PRKAG2: variants seen among roughly 807,000 people sequenced by gnomAD.
PRKAG2 encodes protein kinase AMP-activated non-catalytic subunit gamma 2, also known as 5'-AMP-activated protein kinase subunit gamma-2.
In PRKAG2, 26 loss-of-function variants were observed where a neutral mutation model predicts 69.6. The observed-to-expected ratio is 0.37, with a 90% CI of 0.27 to 0.52. The LOEUF (loss-of-function observed/expected upper bound fraction) is 0.52, where lower values mean the gene tolerates loss of function less well. PRKAG2 is among the 20% of genes least tolerant of loss of function. The pLI is 0.90. For missense variants in PRKAG2, 557 were observed against 740.0 expected (o/e 0.75, Z 2.87); for synonymous variants, 293 against 285.0 (o/e 1.03, Z -0.28).
intron 3 of PRKAG2, among the ~76,000 whole-genome samples, chr7:151,755,607 C>G (rs560494342): frequency 3.3e-5 from 5 of 152,280 alleles, no homozygotes; most frequent in Admixed American, 2.0e-4. Flanking sequence ...ATCCTGCTGG[C>G]CACCTGCTTT....
intron 5 of PRKAG2, among the ~76,000 whole-genome samples, chr7:151,601,071 C>T (rs569972630): frequency 3.5e-4 from 54 of 152,276 alleles, no homozygotes; most frequent in Non-Finnish European, 6.3e-4. Flanking sequence ...CTCAACGGTG[C>T]GCTCATCTGA....
chr7:151,682,788 G>T lies in PRKAG2; in HGVS notation c.467-7151C>A, dbSNP rs376554487. On this transcript the variant is annotated intron_variant, in intron 3 of 15. Coordinates refer to ENST00000287878, the MANE Select transcript of PRKAG2 (RefSeq NM_016203.4). ...ATAAAGTCGAGAACCAGGAAAGCAGGGGGGAGCTCAGGGAAGAGGAGAGGG... is the reference window on the plus strand; with the variant it reads ...ATAAAGTCGAGAACCAGGAAAGCAGTGGGGAGCTCAGGGAAGAGGAGAGGG... Among the ~76,000 whole-genome samples, 458 of 151,972 alleles carry T rather than the reference G, an allele frequency of 3.0e-3. 4 individuals are homozygous for T. The highest frequency in any genetic ancestry group is 9.7e-3 in the African/African-American group (400 of 41,410).
intron 5 of PRKAG2, among the ~76,000 whole-genome samples, chr7:151,625,698 T>C (rs1410605247): frequency 6.6e-6 from 1 of 152,110 alleles, no homozygotes; most frequent in Non-Finnish European, 1.5e-5. Context: ...GTCAAGCAGC[T>C]TTCCTGTTAA....
At position 151,735,837 on chromosome 7, in the gene PRKAG2, C is replaced by A. The variant is rs1799690948; in HGVS notation, c.466+45315G>T. 5 of 1,531,490 alleles carry A rather than the reference C, an allele frequency of 3.3e-6. No individual in the cohort carries two copies. The Admixed American group carries it at 9.8e-5, about 30-fold the overall frequency. The allele number at this position is 1,531,490 out of a possible 1,614,324, so 94.9% of individuals were successfully genotyped here. On this transcript the variant is annotated intron_variant, in intron 3 of 15. Coordinates refer to ENST00000287878, the MANE Select transcript of PRKAG2 (RefSeq NM_016203.4). ...GCTACTGCTTAGGAGGGTGTGCACA[C>A]ACGCCGTGGGGTTCCCTCCCAAGGA...
chr7:151,697,062 G>A (rs1033200537), intron 3 of PRKAG2, among the ~76,000 whole-genome samples: 4 of 152,218 alleles, frequency 2.6e-5, no homozygotes, highest in African/African-American at 7.2e-5. Context: ...GGATGGAGGC[G>A]CCTGGCATGG....
chr7:151,678,789 T>A (rs970400055), intron 3 of PRKAG2, among the ~76,000 whole-genome samples: 1 of 151,892 alleles, frequency 6.6e-6, no homozygotes, highest in South Asian at 2.1e-4. Context: ...CAAAACCCCA[T>A]CTCTACTAAA....
Position 151,708,989 on chromosome 7 carries a change from C to T in PRKAG2, c.467-33352G>A, listed in dbSNP as rs552423675. Reference sequence around the variant, plus strand: ...GTGAGAATACCAGAAGCAGAGGGGCCGGAAACCATGACACTGTGTGACACT... The same window carrying T: ...GTGAGAATACCAGAAGCAGAGGGGCTGGAAACCATGACACTGTGTGACACT... On this transcript the variant is annotated intron_variant, in intron 3 of 15. Coordinates refer to ENST00000287878, the MANE Select transcript of PRKAG2 (RefSeq NM_016203.4). Among the ~76,000 whole-genome samples the T allele has an allele frequency of 1.0e-3, 152 of 152,202 alleles. 5 individuals are homozygous for T. The South Asian group carries it at 0.029, about 29-fold the overall frequency.
intron 9 of PRKAG2, among the ~76,000 whole-genome samples, chr7:151,571,205 G>A (rs1023062626): frequency 2.6e-5 from 4 of 151,794 alleles, no homozygotes; most frequent in Non-Finnish European, 4.4e-5. Context: ...CCGAGTAGCT[G>A]GGAGTACAGG....
In PRKAG2 at chr7:151,588,182, T is replaced by C. The variant is rs187441436; in HGVS notation, c.864+7163A>G. On this transcript the variant is annotated intron_variant, in intron 6 of 15. Coordinates refer to ENST00000287878, the MANE Select transcript of PRKAG2 (RefSeq NM_016203.4). ...TTTGGGCCTCTCATAATTCTCGAGG[T>C]GTCATCTTTTGGAATCACTAACTGA... Among the ~76,000 whole-genome samples the C allele has an allele frequency of 1.7e-3, 262 of 152,190 alleles. 4 individuals carry two copies. Among genetic ancestry groups the C allele is most frequent in the African/African-American group, 6.0e-3 (248 of 41,520 alleles).
At position 151,851,244 on chromosome 7, in the gene PRKAG2, G is replaced by A. The variant is rs73728420; in HGVS notation, c.114+25263C>T. ...GGAGAGGCCAAAACCACAACTTTCCGGAACTGGAGTGAGCTTTCCTGCCAT... is the reference window on the plus strand; with the variant it reads ...GGAGAGGCCAAAACCACAACTTTCCAGAACTGGAGTGAGCTTTCCTGCCAT... On this transcript the variant is annotated intron_variant, in intron 1 of 15. Transcript: ENST00000287878. 4.6e-3 allele frequency among the ~76,000 whole-genome samples: 702 copies of A among 152,082 alleles called. 11 individuals carry two copies. The highest frequency in any genetic ancestry group is 0.032 in the South Asian group (154 of 4,820).
chr7:151,625,030 C>A (rs1373255883), intron 5 of PRKAG2, among the ~76,000 whole-genome samples: 1 of 152,146 alleles, frequency 6.6e-6, no homozygotes, highest in Non-Finnish European at 1.5e-5. Flanking sequence ...GCCTCAAGAC[C>A]TGGCAAATAT....
At chr7:151,843,524 A>C (rs773054547) in intron 1 of PRKAG2, among the ~76,000 whole-genome samples, 3 of 152,204 alleles carry the variant, frequency 2.0e-5, no homozygotes, top group Non-Finnish European at 2.9e-5. Flanking sequence ...TGATTTATGG[A>C]GTAAAGTTGA....
intron 5 of PRKAG2, among the ~76,000 whole-genome samples, chr7:151,629,394 G>A (rs1242130902): frequency 6.6e-6 from 1 of 152,106 alleles, no homozygotes; most frequent in Non-Finnish European, 1.5e-5. Context: ...GAGAGGGAGG[G>A]GCACTGAGCC....
chr7:151,568,023 G>T (rs911011866), intron 11 of PRKAG2, among the ~76,000 whole-genome samples: 21 of 152,198 alleles, frequency 1.4e-4, no homozygotes, highest in Admixed American at 1.3e-3. Flanking sequence ...GGTTCTATTT[G>T]ACTGATTACT....
At chr7:151,785,934 G>A (rs1013614341) in intron 2 of PRKAG2, among the ~76,000 whole-genome samples, 1 of 152,156 alleles carries the variant, frequency 6.6e-6, no homozygotes, top group Non-Finnish European at 1.5e-5. Flanking sequence ...TTTCCTAATG[G>A]GAGGGAAATT....
At chr7:151,778,321 A>G (rs1279946540) in intron 3 of PRKAG2, among the ~76,000 whole-genome samples, 1 of 152,040 alleles carries the variant, frequency 6.6e-6, no homozygotes, top group Non-Finnish European at 1.5e-5. Context: ...ATCTCGGTGA[A>G]TTGGTTTTAT....
intron 3 of PRKAG2, among the ~76,000 whole-genome samples, chr7:151,703,635 T>G (rs765440833): frequency 1.3e-4 from 20 of 152,258 alleles, no homozygotes; most frequent in Non-Finnish European, 2.5e-4. Flanking sequence ...ACTACCCACA[T>G]GGCAGCCCCC....
At chr7:151,654,242 T>C (rs988123968) in intron 4 of PRKAG2, among the ~76,000 whole-genome samples, 6 of 152,208 alleles carry the variant, frequency 3.9e-5, no homozygotes, top group Non-Finnish European at 8.8e-5. Flanking sequence ...GGATGTCCCA[T>C]GGTGAAGGAT....
chr7:151,733,951 TC>T (rs1239733918), intron 3 of PRKAG2, among the ~76,000 whole-genome samples: 2 of 152,056 alleles, frequency 1.3e-5, no homozygotes, highest in Non-Finnish European at 2.9e-5. Flanking sequence ...CACCTCAACC[TC>T]CCAAAGTGCT....
Sources: allele counts gnomAD v4.1 joint callset (sites outside exome capture counted in the v4.1 genomes callset), GRCh38; gene constraint gnomAD v4.1.1; transcripts MANE v1.5; gene names NCBI Gene and HGNC (gene_info 2026-07-23, HGNC 2026-07-21).